NT5C1B: variants seen among roughly 807,000 people sequenced by gnomAD.
NT5C1B encodes cytosolic 5'-nucleotidase 1B.
NT5C1B carries 44 observed loss-of-function variants against 57.8 expected under a neutral mutation model. That is an observed-to-expected ratio of 0.76 (90% CI 0.60 to 0.98). NT5C1B has a LOEUF of 0.98. NT5C1B is among the 50% of genes least tolerant of loss of function. NT5C1B has a pLI of 0.00. For synonymous variants in NT5C1B, 284 were observed against 282.6 expected, an observed-to-expected ratio of 1.00 and a Z score of -0.05; for missense variants, 742 against 719.5, an observed-to-expected ratio of 1.03 and a Z score of -0.36.
At chr2:18,577,491 A>G (rs1278299767) in intron 6 of NT5C1B, among the ~76,000 whole-genome samples, 2 of 151,700 alleles carry the variant, frequency 1.3e-5, no homozygotes, top group Admixed American at 6.6e-5. Context: ...TAAACAACCA[A>G]CCTGCTCCTG....
exon 8 of NT5C1B, chr2:18,576,273 A>G: frequency 1.2e-6 from 2 of 1,613,864 alleles, no homozygotes; most frequent in South Asian, 2.2e-5. Context: ...GACTCATCAG[A>G]GAAGAGGACA....
At chr2:18,587,340 C>T in intron 2 of NT5C1B, 163 bp downstream of exon 2, 2 of 985,438 alleles carry the variant, frequency 2.0e-6, no homozygotes, top group Non-Finnish European at 2.4e-6. Context: ...AGGCAGGGCC[C>T]AACCTTTCCT....
chr2:18,586,179 C>A, intron 3 of NT5C1B, 75 bp downstream of exon 3: 1 of 1,565,650 alleles, frequency 6.4e-7, no homozygotes, highest in Non-Finnish European at 8.7e-7. Context: ...GGGCCTGGCA[C>A]GTAGAAAGCA....
intron 8 of NT5C1B, among the ~76,000 whole-genome samples, chr2:18,567,465 T>C (rs995262434): frequency 1.6e-4 from 24 of 152,096 alleles, no homozygotes; most frequent in African/African-American, 5.1e-4. Flanking sequence ...ATAGAAGAAA[T>C]AGCTGGGAAG....
In NT5C1B at chr2:18,584,866, TG is replaced by T; in HGVS notation, c.370del (p.Gln124SerfsTer103). On this transcript the variant is annotated frameshift_variant, in exon 4 of 9. Coordinates refer to ENST00000304081, the Ensembl canonical transcript of NT5C1B. LOFTEE classifies it high-confidence loss of function. The surrounding 1 kb of genome is among the most constrained non-coding windows in gnomAD (Gnocchi z 5.8). ...CCGCGAGTCCAGCGACCGGGGCAGC[TG>T]GGGCGACGCGGGTGGCTGGAGCGAG... is the stretch of plus-strand genomic sequence containing the variant. 6.2e-7 allele frequency: 1 copy of T among 1,601,054 alleles called. No homozygotes were observed. The highest frequency in any genetic ancestry group is 1.3e-5 in the African/African-American group (1 of 74,770).
At chr2:18,587,114 C>T (rs200114668) in intron 2 of NT5C1B, 51 of 1,614,132 alleles carry the variant, frequency 3.2e-5, no homozygotes, top group East Asian at 8.9e-5. Flanking sequence ...GTCTACACGA[C>T]GAGTGACCCT....
chr2:18,579,040 A>G (rs373251124), intron 6 of NT5C1B, among the ~76,000 whole-genome samples: 5 of 152,340 alleles, frequency 3.3e-5, no homozygotes, highest in Admixed American at 2.6e-4. Context: ...CCCATTTGCA[A>G]TCACCACACA....
At chr2:18,586,354 C>G (rs199873248) in exon 3 of NT5C1B, 5 of 1,614,096 alleles carry the variant, frequency 3.1e-6, no homozygotes, top group Admixed American at 1.7e-5. Flanking sequence ...AAGGTACCCT[C>G]GAGAGTCTGT....
chr2:18,585,066 G>A, intron 3 of NT5C1B, 88 bp from the exon 4 acceptor site: 1 of 1,536,724 alleles, frequency 6.5e-7, no homozygotes, highest in South Asian at 1.1e-5. Context: ...TCCATTCCTA[G>A]ACCTTTGATG....
At chr2:18,583,462 A>C (rs894002281) in intron 5 of NT5C1B, 2 of 204,182 alleles carry the variant, frequency 9.8e-6, no homozygotes, top group Admixed American at 1.1e-4. Flanking sequence ...ATATTCTGTC[A>C]GAGTACTTTA....
chr2:18,568,127 C>A (rs944708727), intron 8 of NT5C1B, among the ~76,000 whole-genome samples: 1 of 151,388 alleles, frequency 6.6e-6, no homozygotes, highest in Non-Finnish European at 1.5e-5. Flanking sequence ...CACACACACT[C>A]CCCTCTCATA....
intron 8 of NT5C1B, 39 bp from the exon 9 acceptor site, chr2:18,564,158 G>A (rs544301640): frequency 1.3e-6 from 2 of 1,505,382 alleles, no homozygotes; most frequent in South Asian, 1.4e-5. Flanking sequence ...GATACAGTGA[G>A]CCAAAGAAAG....
At position 18,571,718 on chromosome 2, in the gene NT5C1B, GTATATATATATATATATATATA is replaced by G. The variant is rs59799495; in HGVS notation, c.1329+4444_1329+4465del. Among the ~76,000 whole-genome samples, 127 of 111,470 alleles carry G rather than the reference GTATATATATATATATATATATA, an allele frequency of 1.1e-3. 2 individuals are homozygous for G. Among genetic ancestry groups the G allele is most frequent in the Admixed American group, 7.3e-3 (72 of 9,868 alleles). The allele number at this position is 111,470 out of a possible 152,430, so 73.1% of individuals were successfully genotyped here. A position where few individuals can be genotyped will look rare whatever the true frequency, so the allele number is the denominator to read the frequency against. ...TCTCTCTCTTTCTCTCTGTGTGTGT[GTATATATATATATATATATATA>G]TATATATATATATATATATATATAT... On this transcript the variant is annotated intron_variant, in intron 8 of 8. Coordinates refer to ENST00000304081, the Ensembl canonical transcript of NT5C1B.
chr2:18,572,143 T>C (rs796586342), intron 8 of NT5C1B, among the ~76,000 whole-genome samples: 14 of 150,704 alleles, frequency 9.3e-5, no homozygotes, highest in African/African-American at 2.9e-4. Flanking sequence ...CAATGTAATA[T>C]TGATAAAGGG....
chr2:18,587,261 A>G (rs1666804776), intron 2 of NT5C1B: 3 of 1,506,480 alleles, frequency 2.0e-6, no homozygotes, highest in Non-Finnish European at 2.7e-6. Context: ...CCCCCTGTGT[A>G]GGCTGAGCAG....
At chr2:18,576,735 C>T in intron 7 of NT5C1B, 38 bp downstream of exon 7, 7 of 1,610,104 alleles carry the variant, frequency 4.3e-6, no homozygotes, top group Non-Finnish European at 5.9e-6. Flanking sequence ...TTAGTGTAAA[C>T]CTCTTTATTA....
chr2:18,570,033 T>A (rs1436096404), intron 8 of NT5C1B, among the ~76,000 whole-genome samples: 2 of 152,154 alleles, frequency 1.3e-5, no homozygotes, highest in Non-Finnish European at 2.9e-5. Context: ...AGTTAAGCTT[T>A]GTTTCAACAA....
chr2:18,589,080 G>T (rs1666971784), intron 1 of NT5C1B, among the ~76,000 whole-genome samples: 1 of 152,138 alleles, frequency 6.6e-6, no homozygotes, highest in Non-Finnish European at 1.5e-5. Flanking sequence ...GCAATGAGTT[G>T]TCCTTTGTCT....
At chr2:18,566,941 A>G (rs564727724) in intron 8 of NT5C1B, among the ~76,000 whole-genome samples, 4 of 152,216 alleles carry the variant, frequency 2.6e-5, no homozygotes, top group Non-Finnish European at 5.9e-5. Context: ...AGAACTGTGT[A>G]CTTTTGGTAG....
Sources: allele counts gnomAD v4.1 joint callset (sites outside exome capture counted in the v4.1 genomes callset), GRCh38; gene constraint gnomAD v4.1.1; non-coding constraint Gnocchi (gnomAD v3.1); transcripts MANE v1.5; gene names NCBI Gene and HGNC (gene_info 2026-07-23, HGNC 2026-07-21).